Variants in COX10 observed in about 807,000 individuals in gnomAD.
The protein encoded by COX10 is protoheme IX farnesyltransferase, mitochondrial.
A neutral mutation model predicts 37.3 loss-of-function variants in COX10; 27 were observed. The ratio of observed to expected loss-of-function variants is 0.72; its 90% CI spans 0.53 to 1.00. COX10 has a LOEUF of 1.00. COX10 is among the 50% of genes least tolerant of loss of function. The pLI is 0.00. For missense variants in COX10, 475 were observed against 563.2 expected (o/e 0.84, Z 1.59); for synonymous variants, 222 against 229.1 (o/e 0.97, Z 0.28).
intron 4 of COX10, among the ~76,000 whole-genome samples, chr17:14,117,892 T>C (rs1916148318): frequency 6.6e-6 from 1 of 152,096 alleles, no homozygotes; most frequent in African/African-American, 2.4e-5. Context: ...TGCAAGATTT[T>C]ATTGGGTGGT....
At chr17:14,090,197 C>A (rs945988766) in intron 3 of COX10, among the ~76,000 whole-genome samples, 1 of 151,950 alleles carries the variant, frequency 6.6e-6, no homozygotes. Context: ...TGCCTCTCAA[C>A]CTGCAGGTCA....
At position 14,207,163 on chromosome 17, in the gene COX10, ACCTGCAAGCGG is replaced by A; in HGVS notation, c.1285_1295del (p.Cys429GlufsTer32). On this transcript the variant is annotated frameshift_variant, in exon 7 of 7. Transcript: ENST00000261643. LOFTEE classifies it low-confidence loss of function (END_TRUNC). ...GCCGCTGCTGCTGCTGCTCATGCTC[ACCTGCAAGCGG>A]CCGAGCGGAGGCGGGGACGCAGGGC... The A allele has an allele frequency of 6.2e-7, 1 of 1,611,634 alleles. No homozygotes were observed.
At chr17:14,200,405 A>G (rs1219946015) in intron 6 of COX10, among the ~76,000 whole-genome samples, 1 of 152,218 alleles carries the variant, frequency 6.6e-6, no homozygotes, top group African/African-American at 2.4e-5. Context: ...AGCATTTTCA[A>G]CGAGTCATCA....
chr17:14,072,003 A>G (rs1205802652), intron 1 of COX10, among the ~76,000 whole-genome samples: 2 of 152,188 alleles, frequency 1.3e-5, no homozygotes, highest in African/African-American at 4.8e-5. Flanking sequence ...ATGGTGAATA[A>G]TAGATATGGT....
intron 4 of COX10, among the ~76,000 whole-genome samples, chr17:14,141,439 G>A (rs1270536119): frequency 6.8e-6 from 1 of 147,092 alleles, no homozygotes; most frequent in Non-Finnish European, 1.5e-5. Context: ...TGAGGTGGTA[G>A]GATGGCATAG....
chr17:14,179,266 G>C (rs1270907771), intron 5 of COX10: 21 of 964,490 alleles, frequency 2.2e-5, no homozygotes, highest in Non-Finnish European at 2.3e-5. Context: ...AGGTCCTTCA[G>C]ACTTATATTT....
chr17:14,073,649 G>T (rs1167615048), intron 1 of COX10, among the ~76,000 whole-genome samples: 1 of 152,170 alleles, frequency 6.6e-6, no homozygotes, highest in African/African-American at 2.4e-5. Flanking sequence ...CTGCAACTGA[G>T]AAATAGAATG....
At chr17:14,102,818 C>T (rs1015677) in intron 4 of COX10, among the ~76,000 whole-genome samples, 80,469 of 151,822 alleles carry the variant, frequency 0.53, 21,566 homozygotes, top group South Asian at 0.58. Context: ...CATCTAGTCA[C>T]TGTGGTCTGC....
intron 1 of COX10, 147 bp downstream of exon 1, chr17:14,069,795 G>T: frequency 1.1e-6 from 1 of 929,250 alleles, no homozygotes; most frequent in Non-Finnish European, 1.7e-6. Context: ...GACCTCTGGA[G>T]TAGCTTGGAG....
intron 3 of COX10, among the ~76,000 whole-genome samples, chr17:14,081,875 G>A (rs1915302910): frequency 6.6e-6 from 1 of 152,174 alleles, no homozygotes; most frequent in Non-Finnish European, 1.5e-5. Flanking sequence ...TAGATGAATG[G>A]TGGTGTTGAG....
chr17:14,136,953 A>AT lies in COX10; in HGVS notation c.625-22917dup, dbSNP rs1001803487. 1.8e-3 allele frequency among the ~76,000 whole-genome samples: 280 copies of AT among 152,012 alleles called. 5 individuals carry two copies. The highest frequency in any genetic ancestry group is 3.2e-4 in the Non-Finnish European group (22 of 67,908). ...CAAGTTTACTTAGACTGTCCTAACAATTTTTTTGTGTGTGTTTCTTTTTTA... is the reference window on the plus strand; with the variant it reads ...CAAGTTTACTTAGACTGTCCTAACAATTTTTTTTGTGTGTGTTTCTTTTTTA... On this transcript the variant is annotated intron_variant, in intron 4 of 6. Coordinates refer to ENST00000261643, the MANE Select transcript of COX10 (RefSeq NM_001303.4).
intron 6 of COX10, among the ~76,000 whole-genome samples, chr17:14,193,062 A>G (rs1168447900): frequency 6.6e-6 from 1 of 152,222 alleles, no homozygotes; most frequent in Non-Finnish European, 1.5e-5. Context: ...AATGGTTTTA[A>G]TATCCTGTAA....
chr17:14,188,102 CT>C (rs1157321131), intron 5 of COX10, among the ~76,000 whole-genome samples: 18,866 of 123,520 alleles, frequency 0.15, 1,456 homozygotes, highest in Non-Finnish European at 0.21. Context: ...CCTTCTTCTT[CT>C]TTTTTTTTTT....
At chr17:14,085,825 G>A (rs1419211291) in intron 3 of COX10, among the ~76,000 whole-genome samples, 1 of 152,146 alleles carries the variant, frequency 6.6e-6, no homozygotes, top group Non-Finnish European at 1.5e-5. Flanking sequence ...GCACCAATTT[G>A]TGCTAGCCAC....
chr17:14,104,967 A>C (rs879488585), intron 4 of COX10, among the ~76,000 whole-genome samples: 1 of 152,176 alleles, frequency 6.6e-6, no homozygotes, highest in Non-Finnish European at 1.5e-5. Flanking sequence ...AAAAATCCAT[A>C]AAATGTTTTG....
intron 4 of COX10, among the ~76,000 whole-genome samples, chr17:14,141,529 CAAAAAAAAAAAAAAA>C (rs71147842): frequency 1.5e-5 from 1 of 67,510 alleles, no homozygotes; most frequent in Non-Finnish European, 2.6e-5. Flanking sequence ...GTCCCTGTCT[CAAAAAAAAAAAAAAA>C]AAAAAAAAAA....
chr17:14,161,389 C>T (rs563055830), intron 5 of COX10, among the ~76,000 whole-genome samples: 1 of 152,136 alleles, frequency 6.6e-6, no homozygotes, highest in Non-Finnish European at 1.5e-5. Flanking sequence ...TCACTTTAAT[C>T]TTTATTTAAA....
At chr17:14,098,418 T>C (rs1915698723) in intron 3 of COX10, among the ~76,000 whole-genome samples, 1 of 152,122 alleles carries the variant, frequency 6.6e-6, no homozygotes. Flanking sequence ...TGACGCAATA[T>C]GTGAAGAGTC....
chr17:14,101,013 A>G (rs1040525133), intron 3 of COX10, among the ~76,000 whole-genome samples: 2 of 152,182 alleles, frequency 1.3e-5, no homozygotes, highest in African/African-American at 4.8e-5. Context: ...GTTTCCAGAC[A>G]ATGCTAAATG....
Sources: gnomAD v4.1 joint callset for allele counts (sites outside exome capture counted in the v4.1 genomes callset) on GRCh38, gnomAD v4.1.1 for gene constraint, MANE v1.5 for transcripts, NCBI Gene and HGNC (gene_info 2026-07-23, HGNC 2026-07-21) for gene names.